GHR: variants seen among roughly 807,000 people sequenced by gnomAD.
The protein encoded by GHR is GH receptor.
In GHR, 35 loss-of-function variants were observed where a neutral mutation model predicts 67.1. The ratio of observed to expected loss-of-function variants is 0.52; its 90% CI spans 0.40 to 0.69. The LOEUF (loss-of-function observed/expected upper bound fraction) is 0.69. Ranked by LOEUF, GHR falls within the 30% of genes least tolerant of loss-of-function variation. The pLI is 0.00. For synonymous variants in GHR, 272 were observed against 269.1 expected (o/e 1.01, Z -0.10); for missense variants, 792 against 764.6 (o/e 1.04, Z -0.42).
chr5:42,437,450 TG>T, intron 1 of GHR, among the ~76,000 whole-genome samples: 1 of 152,292 alleles, frequency 6.6e-6, no homozygotes, highest in East Asian at 1.9e-4. Flanking sequence ...TCCTGCAAAG[TG>T]GTGTGCTTTC....
intron 1 of GHR, among the ~76,000 whole-genome samples, chr5:42,482,530 C>T (rs1033997630): frequency 2.0e-5 from 3 of 152,216 alleles, no homozygotes; most frequent in Non-Finnish European, 4.4e-5. Context: ...TTGGCTCCAC[C>T]CAGTTCGAGC....
At position 42,666,248 on chromosome 5, in the gene GHR, G is replaced by A. The variant is rs1561211253; in HGVS notation, c.137-22642G>A. On this transcript the variant is annotated intron_variant, in intron 3 of 9. Transcript: ENST00000230882. ...TACATATGCCATTTTAAATTTTTTA[G>A]TAGTTACATTTAAAAAGAGGGTGAA... Among the ~76,000 whole-genome samples, 8 of 151,824 alleles carry A rather than the reference G, an allele frequency of 5.3e-5. No individual in the cohort carries two copies. The South Asian group carries it at 1.7e-3, about 32-fold the overall frequency.
At chr5:42,556,076 G>C (rs1749291872) in intron 1 of GHR, among the ~76,000 whole-genome samples, 1 of 151,950 alleles carries the variant, frequency 6.6e-6, no homozygotes, top group Admixed American at 6.6e-5. Context: ...TTCCCAACTT[G>C]TTTACCTTCA....
chr5:42,583,604 C>T (rs1751310484), intron 2 of GHR, among the ~76,000 whole-genome samples: 1 of 152,112 alleles, frequency 6.6e-6, no homozygotes, highest in Non-Finnish European at 1.5e-5. Context: ...AGGATGGCCT[C>T]CAGCTGTTTG....
Position 42,579,132 on chromosome 5 carries a change from TAGATAGATGATAGATAGATATAGATAG to T in GHR, c.70+13190_70+13216del, listed in dbSNP as rs1561138857. 2.9e-3 allele frequency among the ~76,000 whole-genome samples: 240 copies of T among 81,454 alleles called. 1 individual carries two copies. Among genetic ancestry groups the T allele is most frequent in the South Asian group, 4.3e-3 (13 of 3,052 alleles). 53.4% of individuals were successfully genotyped at this position (81,454 alleles called of 152,430 possible). On this transcript the variant is annotated intron_variant, in intron 2 of 9. Coordinates refer to ENST00000230882, the MANE Select transcript of GHR (RefSeq NM_000163.5). ...ATAGATAGATAGATAGATAGATAGATAGATAGATGATAGATAGATATAGATAGATAGATAGATAGATAGATAGATAGA... is the reference window on the plus strand; with the variant it reads ...ATAGATAGATAGATAGATAGATAGATATAGATAGATAGATAGATAGATAGA...
intron 1 of GHR, among the ~76,000 whole-genome samples, chr5:42,475,119 AG>A (rs1324168231): frequency 6.6e-6 from 1 of 152,006 alleles, no homozygotes; most frequent in East Asian, 1.9e-4. Context: ...CCTGACCTCA[AG>A]GCCCACCTTA....
chr5:42,482,474 T>G (rs1220177888), intron 1 of GHR, among the ~76,000 whole-genome samples: 2 of 152,208 alleles, frequency 1.3e-5, no homozygotes, highest in African/African-American at 4.8e-5. Flanking sequence ...TGCCCTGCCC[T>G]CAGAGAGGGA....
intron 2 of GHR, among the ~76,000 whole-genome samples, chr5:42,618,064 C>T (rs1407431286): frequency 3.9e-5 from 6 of 151,900 alleles, no homozygotes; most frequent in East Asian, 1.9e-4. Context: ...TCAATAGAGC[C>T]GAGAACTTCA....
chr5:42,668,774 G>A (rs1459381366), intron 3 of GHR, among the ~76,000 whole-genome samples: 1 of 151,894 alleles, frequency 6.6e-6, no homozygotes. Flanking sequence ...GAGGTATATT[G>A]CATGCCAATG....
chr5:42,634,028 G>A (rs555606198), intron 3 of GHR, among the ~76,000 whole-genome samples: 4 of 152,146 alleles, frequency 2.6e-5, no homozygotes, highest in Non-Finnish European at 4.4e-5. Context: ...GCGTAGCACC[G>A]CAGTTTAAGT....
intron 1 of GHR, among the ~76,000 whole-genome samples, chr5:42,508,926 T>C (rs1260773762): frequency 6.6e-6 from 1 of 152,178 alleles, no homozygotes; most frequent in Middle Eastern, 3.2e-3. Context: ...AGAAAATGAA[T>C]ATTTTTAAAG....
chr5:42,642,737 G>A (rs1754541761), intron 3 of GHR, among the ~76,000 whole-genome samples: 1 of 152,178 alleles, frequency 6.6e-6, no homozygotes, highest in Non-Finnish European at 1.5e-5. Flanking sequence ...TAAGAGAAAT[G>A]TATTCTGTCA....
intron 2 of GHR, among the ~76,000 whole-genome samples, chr5:42,582,466 C>A (rs776805333): frequency 3.3e-5 from 5 of 152,214 alleles, no homozygotes; most frequent in African/African-American, 4.8e-5. Context: ...TAAGAGCTAC[C>A]CACTTCAGGT....
chr5:42,534,124 A>ATATATATGTACATATGTATATATGTATG (rs1748108261), intron 1 of GHR, among the ~76,000 whole-genome samples: 1 of 140,132 alleles, frequency 7.1e-6, no homozygotes. Flanking sequence ...ATATGTATGT[A>ATATATATGTACATATGTATATATGTATG]TATATATGTA....
Position 42,645,495 on chromosome 5 carries a change from G to A in GHR, c.136+16392G>A, listed in dbSNP as rs897894608. Among the ~76,000 whole-genome samples, 54 of 152,142 alleles carry A rather than the reference G, an allele frequency of 3.5e-4. 1 individual carries two copies. The highest frequency in any genetic ancestry group is 1.3e-3 in the African/African-American group (54 of 41,428). On this transcript the variant is annotated intron_variant, in intron 3 of 9. Transcript: ENST00000230882. The stretch of plus-strand genomic sequence containing the variant: ...GCTTTTTATTTAATTGAAAACCAAA[G>A]AGAGAGAGAGGAAAGAACCAGTTAG...
chr5:42,555,737 C>G (rs1749271097), intron 1 of GHR, among the ~76,000 whole-genome samples: 1 of 152,124 alleles, frequency 6.6e-6, no homozygotes, highest in South Asian at 2.1e-4. Flanking sequence ...TACTCTGTGG[C>G]AAGCCTATGG....
chr5:42,705,940 TC>T (rs1362923547), intron 6 of GHR, among the ~76,000 whole-genome samples: 1 of 152,158 alleles, frequency 6.6e-6, no homozygotes, highest in African/African-American at 2.4e-5. Context: ...AAATGACAAT[TC>T]TCTTTTAAGT....
At chr5:42,466,636 C>G (rs571719014) in intron 1 of GHR, among the ~76,000 whole-genome samples, 1 of 152,344 alleles carries the variant, frequency 6.6e-6, no homozygotes, top group East Asian at 1.9e-4. Flanking sequence ...AAGCTACATT[C>G]CATTTCAGAA....
intron 1 of GHR, among the ~76,000 whole-genome samples, chr5:42,469,464 G>T (rs1561322020): frequency 6.6e-6 from 1 of 152,058 alleles, no homozygotes; most frequent in African/African-American, 2.4e-5. Context: ...CTATCCTGGA[G>T]ATGTCCTTGT....
Sources: gnomAD v4.1 joint callset for allele counts (sites outside exome capture counted in the v4.1 genomes callset) on GRCh38, gnomAD v4.1.1 for gene constraint, MANE v1.5 for transcripts, NCBI Gene and HGNC (gene_info 2026-07-23, HGNC 2026-07-21) for gene names.